RANBP2: variants seen among roughly 807,000 people sequenced by gnomAD.
The protein encoded by RANBP2 is E3 SUMO-protein ligase RanBP2.
Under a neutral mutation model 303.6 loss-of-function variants are expected in RANBP2, and 57 were observed. The observed-to-expected ratio is 0.19, with a 90% CI of 0.15 to 0.23. The LOEUF is 0.23. RANBP2 is among the 10% of genes least tolerant of loss of function. The pLI, the probability that RANBP2 is intolerant of heterozygous loss-of-function variation, is 1.00. For missense variants in RANBP2, 3,138 were observed against 3,780.8 expected (o/e 0.83, Z 4.46); for synonymous variants, 1,167 against 1,301.5 (o/e 0.90, Z 2.23).
At chr2:109,612,326 G>A in the RANBP2 span, among the ~76,000 whole-genome samples, 9 of 152,338 alleles carry the variant, frequency 5.9e-5, no homozygotes, top group Admixed American at 2.0e-4. Flanking sequence ...AAAGAAGTGT[G>A]TGTGGTTATA....
chr2:108,917,646 A>T, the RANBP2 span, among the ~76,000 whole-genome samples: 1 of 151,920 alleles, frequency 6.6e-6, no homozygotes, highest in Non-Finnish European at 1.5e-5. Context: ...CTAAGACTAG[A>T]GGGGGGTCAA....
the RANBP2 span, among the ~76,000 whole-genome samples, chr2:109,123,319 T>TTCCC: frequency 1.5e-5 from 2 of 129,940 alleles, no homozygotes; most frequent in African/African-American, 6.0e-5. Flanking sequence ...CTTTTCTTTC[T>TTCCC]TTCCTTCCTT....
chr2:109,576,872 A>G, the RANBP2 span, among the ~76,000 whole-genome samples: 1 of 152,218 alleles, frequency 6.6e-6, no homozygotes, highest in Admixed American at 6.5e-5. Flanking sequence ...ATATTTCATC[A>G]AAGTTTTCAA....
chr2:109,297,240 C>T, the RANBP2 span, among the ~76,000 whole-genome samples: 1 of 152,166 alleles, frequency 6.6e-6, no homozygotes, highest in Non-Finnish European at 1.5e-5. Flanking sequence ...TTCATTGACA[C>T]CATCATCATC....
the RANBP2 span, among the ~76,000 whole-genome samples, chr2:109,080,718 C>T: frequency 6.6e-6 from 1 of 152,048 alleles, no homozygotes; most frequent in African/African-American, 2.4e-5. Flanking sequence ...CATGTTAACA[C>T]TGGAGAAATG....
At chr2:109,619,608 C>G in the RANBP2 span, among the ~76,000 whole-genome samples, 8 of 152,182 alleles carry the variant, frequency 5.3e-5, 1 homozygote, top group African/African-American at 1.4e-4. Flanking sequence ...TGGGGTTATT[C>G]TTGTTTTATG....
At chr2:109,147,160 G>A in the RANBP2 span, among the ~76,000 whole-genome samples, 2 of 152,100 alleles carry the variant, frequency 1.3e-5, no homozygotes, top group East Asian at 3.9e-4. Flanking sequence ...ACAGAGGTTG[G>A]CTGGCACTTC....
chr2:109,643,089 G>A, the RANBP2 span, among the ~76,000 whole-genome samples: 1 of 152,156 alleles, frequency 6.6e-6, no homozygotes, highest in East Asian at 1.9e-4. Context: ...GGCTGAGGTG[G>A]GAGGATTGCT....
the RANBP2 span, among the ~76,000 whole-genome samples, chr2:109,520,598 CAAAAAAAAAAAAAAAAA>C: frequency 2.0e-5 from 1 of 50,100 alleles, no homozygotes; most frequent in East Asian, 5.6e-4. Flanking sequence ...GACTCCATCT[CAAAAAAAAAAAAAAAAA>C]AAAAAAAAAG....
chr2:109,280,714 G>A, the RANBP2 span, among the ~76,000 whole-genome samples: 2 of 152,216 alleles, frequency 1.3e-5, no homozygotes, highest in African/African-American at 2.4e-5. Flanking sequence ...GTGAGTATCT[G>A]GAGACGTTGG....
chr2:108,849,449 A>G, the RANBP2 span, among the ~76,000 whole-genome samples: 1 of 151,904 alleles, frequency 6.6e-6, no homozygotes, highest in Non-Finnish European at 1.5e-5. Flanking sequence ...CACCCTGGCC[A>G]CTGGATTTCA....
intron 9 of RANBP2, among the ~76,000 whole-genome samples, chr2:108,750,812 C>T (rs1334038496): frequency 6.6e-6 from 1 of 152,210 alleles, no homozygotes; most frequent in Non-Finnish European, 1.5e-5. Flanking sequence ...TGGTCTCGAA[C>T]TCCTGACTGC....
chr2:108,968,851 T>C, the RANBP2 span, among the ~76,000 whole-genome samples: 1 of 152,232 alleles, frequency 6.6e-6, no homozygotes, highest in East Asian at 1.9e-4. Flanking sequence ...TTCACTCTGC[T>C]ATGCACTATT....
At chr2:108,803,081 A>C in the RANBP2 span, among the ~76,000 whole-genome samples, 3 of 152,206 alleles carry the variant, frequency 2.0e-5, no homozygotes, top group Non-Finnish European at 4.4e-5. Context: ...TAAAATCCTA[A>C]TGCATTTCTC....
chr2:109,068,061 C>T, the RANBP2 span, among the ~76,000 whole-genome samples: 2 of 152,364 alleles, frequency 1.3e-5, no homozygotes, highest in Non-Finnish European at 1.5e-5. Context: ...GCTCCAAGGT[C>T]ACCTCCTCAG....
the RANBP2 span, among the ~76,000 whole-genome samples, chr2:109,432,349 G>T: frequency 6.6e-6 from 1 of 152,160 alleles, no homozygotes; most frequent in African/African-American, 2.4e-5. Flanking sequence ...GGGAGGGTGT[G>T]TGAGGCCTCT....
At chr2:109,631,967 T>C in the RANBP2 span, among the ~76,000 whole-genome samples, 2 of 152,080 alleles carry the variant, frequency 1.3e-5, no homozygotes, top group African/African-American at 4.8e-5. Flanking sequence ...AGCCTGGTGA[T>C]TAGAGGGTTG....
chr2:108,930,853 G>A, the RANBP2 span: 1 of 1,195,892 alleles, frequency 8.4e-7, no homozygotes, highest in Non-Finnish European at 1.2e-6. Context: ...AGAACCCTGT[G>A]GAGGAGGGAC....
the RANBP2 span, among the ~76,000 whole-genome samples, chr2:109,582,060 A>G: frequency 6.9e-6 from 1 of 145,220 alleles, no homozygotes; most frequent in Non-Finnish European, 1.5e-5. Flanking sequence ...CAAGAACACA[A>G]TGCCATGTAC....
Sources: allele counts gnomAD v4.1 joint callset (sites outside exome capture counted in the v4.1 genomes callset), GRCh38; gene constraint gnomAD v4.1.1; transcripts MANE v1.5; gene names NCBI Gene and HGNC (gene_info 2026-07-23, HGNC 2026-07-21).